HS1BP3: variants seen among roughly 807,000 people sequenced by gnomAD.
HS1BP3 encodes the protein HCLS1 binding protein 3.
In HS1BP3, 32 loss-of-function variants were observed where a neutral mutation model predicts 33.5. That is an observed-to-expected ratio of 0.95 (90% confidence interval 0.72 to 1.28). The LOEUF is 1.28. HS1BP3 is among the 50% of genes most tolerant of loss of function. The pLI, the probability that HS1BP3 is intolerant of heterozygous loss-of-function variation, is 0.00. For synonymous variants in HS1BP3, 187 were observed against 209.2 expected (o/e 0.89, Z 0.92); for missense variants, 486 against 502.3 (o/e 0.97, Z 0.31).
At chr2:20,571,213 C>T (rs1405276002) in intron 5 of HS1BP3, among the ~76,000 whole-genome samples, 1 of 152,182 alleles carries the variant, frequency 6.6e-6, no homozygotes, top group African/African-American at 2.4e-5. Context: ...CCAGCACCCC[C>T]TTCCTTAGGC....
intron 2 of HS1BP3, among the ~76,000 whole-genome samples, 177 bp downstream of exon 2, chr2:20,645,163 C>T (rs760530500): frequency 1.3e-5 from 2 of 152,188 alleles, no homozygotes; most frequent in Non-Finnish European, 2.9e-5. Flanking sequence ...GGACTGAGAG[C>T]GTCTGATTCA....
At chr2:20,562,164 C>T (rs1693016157) in intron 5 of HS1BP3, among the ~76,000 whole-genome samples, 1 of 152,176 alleles carries the variant, frequency 6.6e-6, no homozygotes, top group South Asian at 2.1e-4. Context: ...GTTCATTGGA[C>T]TCCTCTGTAA....
intron 2 of HS1BP3, among the ~76,000 whole-genome samples, chr2:20,610,933 C>A (rs1694306885): frequency 6.6e-6 from 1 of 152,226 alleles, no homozygotes; most frequent in Non-Finnish European, 1.5e-5. Context: ...AAAGCTGCCT[C>A]ATGGCCCCTT....
Position 20,595,989 on chromosome 2 carries a change from T to C in HS1BP3, c.*12+2219A>G, listed in dbSNP as rs113182272. ...GGACCTTAGTTCAAAGGTGATCCTGTGTGGAGTCCTGAAATGTAAAGCAGA... is the reference window on the plus strand; with the variant it reads ...GGACCTTAGTTCAAAGGTGATCCTGCGTGGAGTCCTGAAATGTAAAGCAGA... On this transcript the variant is annotated intron_variant, in intron 3 of 3. Coordinates refer to the HS1BP3 transcript ENST00000415264. Among the ~76,000 whole-genome samples the C allele has an allele frequency of 1.1e-3, 161 of 152,180 alleles. 4 individuals carry two copies. Among genetic ancestry groups the C allele is most frequent in the Non-Finnish European group, 4.9e-4 (33 of 68,028 alleles).
At chr2:20,606,284 G>T in intron 2 of HS1BP3, 1 of 428,576 alleles carries the variant, frequency 2.3e-6, no homozygotes, top group Non-Finnish European at 4.6e-6. Context: ...ACCTGTTCAT[G>T]CGTCTTCACC....
At chr2:20,568,220 G>A (rs113404261) in intron 5 of HS1BP3, among the ~76,000 whole-genome samples, 1,865 of 152,258 alleles carry the variant, frequency 0.012, 42 homozygotes, top group African/African-American at 0.043. Flanking sequence ...TGGGGGGTGC[G>A]GGGTAGGGGG....
At chr2:20,594,410 T>G (rs1693898744) in intron 3 of HS1BP3, among the ~76,000 whole-genome samples, 1 of 152,224 alleles carries the variant, frequency 6.6e-6, no homozygotes, top group Admixed American at 6.5e-5. Context: ...CTTACTTTGG[T>G]GCATTGAGGC....
chr2:20,564,598 C>T (rs1278107533), intron 5 of HS1BP3, among the ~76,000 whole-genome samples: 1 of 152,138 alleles, frequency 6.6e-6, no homozygotes, highest in African/African-American at 2.4e-5. Context: ...ATTCTCATGC[C>T]TTAGCCACCC....
At chr2:20,563,123 C>T (rs1311839115) in intron 5 of HS1BP3, among the ~76,000 whole-genome samples, 1 of 152,256 alleles carries the variant, frequency 6.6e-6, no homozygotes, top group Non-Finnish European at 1.5e-5. Context: ...TGTGCATCCT[C>T]TTGGAGCCAG....
chr2:20,574,053 C>T (rs1379624544), intron 5 of HS1BP3, among the ~76,000 whole-genome samples: 1 of 152,210 alleles, frequency 6.6e-6, no homozygotes, highest in South Asian at 2.1e-4. Context: ...GTGGGTTGCC[C>T]TCAAAAACCC....
intron 6 of HS1BP3, among the ~76,000 whole-genome samples, chr2:20,621,096 A>G (rs62125678): frequency 1.3e-5 from 2 of 152,244 alleles, no homozygotes; most frequent in Non-Finnish European, 2.9e-5. Context: ...AACAGGAAGA[A>G]CCAGGCAGGC....
chr2:20,639,354 C>T (rs1695268182), intron 3 of HS1BP3, among the ~76,000 whole-genome samples: 1 of 152,236 alleles, frequency 6.6e-6, no homozygotes, highest in Admixed American at 6.5e-5. Context: ...CATCACAATA[C>T]CCAAGTGTGC....
intron 1 of HS1BP3, among the ~76,000 whole-genome samples, chr2:20,646,940 C>T (rs889090589): frequency 2.0e-5 from 3 of 152,234 alleles, no homozygotes; most frequent in South Asian, 2.1e-4. Context: ...AGGTCTCACC[C>T]GGCATGAGGT....
intron 5 of HS1BP3, among the ~76,000 whole-genome samples, chr2:20,574,316 A>AGAT (rs1310185146): frequency 6.6e-6 from 1 of 152,244 alleles, no homozygotes; most frequent in Non-Finnish European, 1.5e-5. Flanking sequence ...CTCTGGAAAT[A>AGAT]GATGAGCATG....
At chr2:20,620,424 G>T (rs1347697901) in intron 6 of HS1BP3, among the ~76,000 whole-genome samples, 2 of 152,212 alleles carry the variant, frequency 1.3e-5, no homozygotes, top group African/African-American at 4.8e-5. Context: ...GTGCTAACGG[G>T]CATCTCTACG....
downstream of HS1BP3, among the ~76,000 whole-genome samples, chr2:20,590,060 C>G (rs1693774447): frequency 2.0e-5 from 3 of 152,302 alleles, no homozygotes; most frequent in South Asian, 6.2e-4. Flanking sequence ...GCTAGCACAT[C>G]AGAGACCACC....
rs996355641 is a variant in HS1BP3 at position 20,593,230 on chromosome 2, T to C, written c.*13-436A>G. ...TATGGCCAGGCCCTCCCTGGCCACA[T>C]TGTCTAAACTTGCAACCTTCCCGGA... is the stretch of plus-strand genomic sequence containing the variant. On this transcript the variant is annotated intron_variant, in intron 3 of 3. Transcript: ENST00000415264. Among the ~76,000 whole-genome samples, 7 of 152,102 alleles carry C rather than the reference T, an allele frequency of 4.6e-5. No homozygotes were observed. The South Asian group carries it at 8.3e-4, about 18-fold the overall frequency.
chr2:20,570,966 G>T (rs1400563206), intron 5 of HS1BP3, among the ~76,000 whole-genome samples: 2 of 152,164 alleles, frequency 1.3e-5, no homozygotes, highest in Non-Finnish European at 2.9e-5. Context: ...AGGCACTAGG[G>T]AGCCAGGAGA....
At chr2:20,631,864 A>C (rs11897163) in intron 4 of HS1BP3, among the ~76,000 whole-genome samples, 5,167 of 152,288 alleles carry the variant, frequency 0.034, 317 homozygotes, top group African/African-American at 0.12. Context: ...CAAGAGCCTG[A>C]ATACACAAAG....
Sources: allele counts gnomAD v4.1 joint callset (sites outside exome capture counted in the v4.1 genomes callset), GRCh38; gene constraint gnomAD v4.1.1; transcripts MANE v1.5; gene names NCBI Gene and HGNC (gene_info 2026-07-23, HGNC 2026-07-21).